Variants in ATRNL1 observed in about 807,000 individuals in gnomAD.
The protein encoded by ATRNL1 is attractin like 1.
A neutral mutation model predicts 182.7 loss-of-function variants in ATRNL1; 95 were observed. That is an observed-to-expected ratio of 0.52 (90% confidence interval 0.44 to 0.62). The LOEUF (loss-of-function observed/expected upper bound fraction) is 0.62. Among genes scored for constraint, ATRNL1 ranks in the 20% least tolerant of loss-of-function variants. The probability of loss-of-function intolerance (pLI) is 0.00; values close to 1 mark genes in which losing one functional copy is unlikely to be tolerated. For missense variants in ATRNL1, 1,471 were observed against 1,679.5 expected, an observed-to-expected ratio of 0.88 and a Z score of 2.17; for synonymous variants, 576 against 568.3, an observed-to-expected ratio of 1.01 and a Z score of -0.19.
intron 15 of ATRNL1, among the ~76,000 whole-genome samples, chr10:115,287,814 G>A (rs943649128): frequency 3.3e-5 from 5 of 151,402 alleles, no homozygotes; most frequent in African/African-American, 9.7e-5. Flanking sequence ...TCATCTTATC[G>A]AGCTGTAATT....
rs376398271 is a variant in ATRNL1 at position 115,362,199 on chromosome 10, G to A, written c.3175+27780G>A. ...TCAGATAGTGAAGATATTGATATCA[G>A]CATTTCATATTTATTTATATAAAAA... On this transcript the variant is annotated intron_variant, in intron 19 of 28. Transcript: ENST00000355044. Among the ~76,000 whole-genome samples, 23 of 151,946 alleles carry A rather than the reference G, an allele frequency of 1.5e-4. No homozygotes were observed. In the East Asian group the frequency reaches 4.3e-3, roughly 28 times the overall value.
chr10:115,138,145 A>G (rs1311653594), intron 5 of ATRNL1, among the ~76,000 whole-genome samples: 1 of 152,202 alleles, frequency 6.6e-6, no homozygotes, highest in Non-Finnish European at 1.5e-5. Context: ...GTGGGCTCCC[A>G]TGGTCTTGGG....
At chr10:115,282,003 A>C (rs1554917014) in intron 14 of ATRNL1, among the ~76,000 whole-genome samples, 1 of 146,840 alleles carries the variant, frequency 6.8e-6, no homozygotes, top group East Asian at 2.0e-4. Context: ...GGGTTTTAAA[A>C]ATATTATATA....
intron 26 of ATRNL1, among the ~76,000 whole-genome samples, chr10:115,596,640 G>C (rs758849003): frequency 3.9e-5 from 6 of 152,120 alleles, no homozygotes; most frequent in Non-Finnish European, 7.3e-5. Flanking sequence ...GTGTTTAGTT[G>C]GAACTGGCTA....
chr10:115,517,328 A>G (rs372188366), intron 24 of ATRNL1, among the ~76,000 whole-genome samples: 4 of 151,696 alleles, frequency 2.6e-5, no homozygotes, highest in East Asian at 3.9e-4. Flanking sequence ...TTTGCTATTA[A>G]TATTGGTTTA....
chr10:115,188,258 T>G (rs1848031838), intron 8 of ATRNL1, among the ~76,000 whole-genome samples: 1 of 152,126 alleles, frequency 6.6e-6, no homozygotes, highest in Non-Finnish European at 1.5e-5. Context: ...TAGATAAATG[T>G]TTTTTCATAT....
chr10:115,142,858 G>T (rs1363100498), intron 5 of ATRNL1, among the ~76,000 whole-genome samples: 1 of 152,146 alleles, frequency 6.6e-6, no homozygotes, highest in Non-Finnish European at 1.5e-5. Context: ...AGGGAAAGAA[G>T]AGTCAAAGAT....
chr10:115,339,743 A>G (rs547518864), intron 19 of ATRNL1, among the ~76,000 whole-genome samples: 2 of 152,272 alleles, frequency 1.3e-5, no homozygotes, highest in South Asian at 2.1e-4. Flanking sequence ...ACTGTGTTCA[A>G]TAACAGTGGT....
rs140639849 is a variant in ATRNL1 at position 115,652,551 on chromosome 10, C to T, written c.3796-74697C>T. The stretch of plus-strand genomic sequence containing the variant: ...GCTTAAAGAATGGAGAACATATTTA[C>T]GATAACTAGAAGAAATGGACATATT... On this transcript the variant is annotated intron_variant, in intron 26 of 28. Transcript: ENST00000355044. 1.8e-4 allele frequency among the ~76,000 whole-genome samples: 28 copies of T among 152,068 alleles called. No individual in the cohort carries two copies. The East Asian group carries it at 4.4e-3, about 24-fold the overall frequency.
At chr10:115,899,790 A>G (rs1378418550) in intron 28 of ATRNL1, among the ~76,000 whole-genome samples, 1 of 152,182 alleles carries the variant, frequency 6.6e-6, no homozygotes, top group Non-Finnish European at 1.5e-5. Flanking sequence ...TCCTGTAACA[A>G]ATCATCTTTG....
intron 28 of ATRNL1, among the ~76,000 whole-genome samples, chr10:115,939,085 T>C (rs960100572): frequency 6.6e-6 from 1 of 152,252 alleles, no homozygotes; most frequent in African/African-American, 2.4e-5. Flanking sequence ...CTTTCCACAA[T>C]GTATACATAG....
intron 8 of ATRNL1, among the ~76,000 whole-genome samples, chr10:115,179,635 A>C (rs1002565198): frequency 2.0e-5 from 3 of 152,080 alleles, no homozygotes; most frequent in African/African-American, 4.8e-5. Context: ...TAGAGATTCA[A>C]ATATAACTTT....
chr10:115,412,951 T>A (rs192447200), intron 20 of ATRNL1, among the ~76,000 whole-genome samples: 11 of 152,328 alleles, frequency 7.2e-5, no homozygotes, highest in African/African-American at 2.4e-4. Flanking sequence ...TTGGGGGATC[T>A]ACAATGAAAT....
intron 10 of ATRNL1, among the ~76,000 whole-genome samples, chr10:115,253,130 G>A (rs1295000649): frequency 6.6e-6 from 1 of 152,176 alleles, no homozygotes; most frequent in Non-Finnish European, 1.5e-5. Flanking sequence ...TATTCATGAT[G>A]TTAATTGGGA....
intron 20 of ATRNL1, among the ~76,000 whole-genome samples, chr10:115,414,264 T>C (rs1440349482): frequency 6.6e-6 from 1 of 151,974 alleles, no homozygotes; most frequent in Non-Finnish European, 1.5e-5. Context: ...CAATTCGGAG[T>C]ATGTAGTCAA....
chr10:115,817,321 A>C (rs782638446), intron 27 of ATRNL1, among the ~76,000 whole-genome samples: 2 of 152,142 alleles, frequency 1.3e-5, no homozygotes, highest in Non-Finnish European at 2.9e-5. Flanking sequence ...ATTATTTATG[A>C]GGTCATAATA....
intron 9 of ATRNL1, among the ~76,000 whole-genome samples, chr10:115,223,444 C>CA (rs1386597004): frequency 6.6e-6 from 1 of 151,928 alleles, no homozygotes; most frequent in Non-Finnish European, 1.5e-5. Flanking sequence ...AAAAGGAAGG[C>CA]ATAACAGTTC....
intron 26 of ATRNL1, among the ~76,000 whole-genome samples, chr10:115,589,372 A>G (rs1327113045): frequency 7.2e-5 from 11 of 152,120 alleles, no homozygotes; most frequent in Admixed American, 6.5e-4. Flanking sequence ...AGTATGGAAA[A>G]TATTATATTT....
At chr10:115,307,001 G>A (rs1853767974) in intron 17 of ATRNL1, among the ~76,000 whole-genome samples, 1 of 152,124 alleles carries the variant, frequency 6.6e-6, no homozygotes, top group African/African-American at 2.4e-5. Flanking sequence ...GCAAGCATAA[G>A]TCAGGTCTTC....
Sources: allele counts gnomAD v4.1 joint callset (sites outside exome capture counted in the v4.1 genomes callset), GRCh38; gene constraint gnomAD v4.1.1; transcripts MANE v1.5; gene names NCBI Gene and HGNC (gene_info 2026-07-23, HGNC 2026-07-21).